COL7A1: variants seen among roughly 807,000 people sequenced by gnomAD.
The protein encoded by COL7A1 is collagen alpha-1(VII) chain.
Under a neutral mutation model 456.2 loss-of-function variants are expected in COL7A1, and 296 were observed. The ratio of observed to expected loss-of-function variants is 0.65; its 90% CI spans 0.59 to 0.71. The LOEUF (loss-of-function observed/expected upper bound fraction) is 0.71, where lower values mean the gene tolerates loss of function less well. Ranked by LOEUF, COL7A1 falls within the 30% of genes least tolerant of loss-of-function variation. The pLI, the probability that COL7A1 is intolerant of heterozygous loss-of-function variation, is 0.00. For synonymous variants in COL7A1, 1,464 were observed against 1,525.9 expected (o/e 0.96, Z 0.95); for missense variants, 3,441 against 4,017.2 (o/e 0.86, Z 3.88).
rs576085516 is a variant in COL7A1 at position 48,591,581 on chromosome 3, G to A, written c.1519C>T (p.Pro507Ser). 6.2e-7 allele frequency: 1 copy of A among 1,613,642 alleles called. No homozygotes were observed. The highest frequency in any genetic ancestry group is 1.3e-5 in the African/African-American group (1 of 75,030). The change falls in exon 13 of 119, where the codon CCT (proline) becomes TCT (serine). Residue 507 changes from proline to serine, a missense_variant. This residue lies in a region of COL7A1 where 913 missense variants were observed against 1,088.2 expected (regional missense o/e 0.84). Coordinates refer to ENST00000681320, the MANE Select transcript of COL7A1 (RefSeq NM_000094.4). This position sits in a 1 kb window ranked among gnomAD's most constrained non-coding sequence, Gnocchi z 7.0. ...ATVVPTGPELPVSPVTDLQAT... is the reference protein window; with the variant it reads ...ATVVPTGPELSVSPVTDLQAT... ...TGCAGGTCTGTTACAGGGCTCACAG[G>A]CAGCTCTGGTCCTGTTGGAGAGCAC...
chr3:48,574,896 T>A lies in COL7A1; in HGVS notation c.6280-31A>T, dbSNP rs376496494. ...AACACAAGGTCACAGGGGAGAGATG[T>A]CTCTGTCATAGAGGCATGGGGGAGT... is the stretch of plus-strand genomic sequence containing the variant. On this transcript the variant is annotated intron_variant, in intron 76 of 118. Transcript: ENST00000681320. This position sits in a 1 kb window ranked among gnomAD's most constrained non-coding sequence, Gnocchi z 5.0. 267 of 1,609,592 alleles carry A rather than the reference T, an allele frequency of 1.7e-4. No homozygotes were observed. The highest frequency in any genetic ancestry group is 2.1e-4 in the Non-Finnish European group (252 of 1,176,520).
Position 48,585,031 on chromosome 3 carries a change from C to A in COL7A1, c.3975+5G>T. 3.1e-6 allele frequency: 5 copies of A among 1,613,428 alleles called. No individual in the cohort carries two copies. The highest frequency in any genetic ancestry group is 4.2e-6 in the Non-Finnish European group (5 of 1,179,972). On this transcript the variant is annotated splice_donor_5th_base_variant and intron_variant, in intron 33 of 118. Transcript: ENST00000681320. The surrounding 1 kb of genome is among the most constrained non-coding windows in gnomAD (Gnocchi z 4.5). ...ACCCTGACCTGCAGGACAAGGCTTG[C>A]TCACCTTTAGGCCAGGGGCTCCAGG...
At position 48,569,247 on chromosome 3, in the gene COL7A1, G is replaced by T; in HGVS notation, c.7686+128C>A. Reference sequence around the variant, plus strand: ...CCTCCTCTCGGCCACTCCATAGTCAGCCACAGAACCCCTTCCCCCTAAACC... The same window carrying T: ...CCTCCTCTCGGCCACTCCATAGTCATCCACAGAACCCCTTCCCCCTAAACC... On this transcript the variant is annotated intron_variant, in intron 103 of 118. Transcript: ENST00000681320. This position sits in a 1 kb window ranked among gnomAD's most constrained non-coding sequence, Gnocchi z 4.9. 1.7e-6 allele frequency: 2 copies of T among 1,162,180 alleles called. No homozygotes were observed. The highest frequency in any genetic ancestry group is 1.3e-6 in the Non-Finnish European group (1 of 778,244). The allele number at this position is 1,162,180 out of a possible 1,614,324, so 72.0% of individuals were successfully genotyped here.
chr3:48,567,686 C>T lies in COL7A1; in HGVS notation c.7983+24G>A. 6.2e-7 allele frequency: 1 copy of T among 1,614,136 alleles called. No individual in the cohort carries two copies. ...GGCCCCCGTCCACCCGTGGCCCCCT[C>T]ATTCTGAGCGTGCCCACACTCACCA... is the stretch of plus-strand genomic sequence containing the variant. On this transcript the variant is annotated intron_variant, in intron 108 of 118. Coordinates refer to ENST00000681320, the MANE Select transcript of COL7A1 (RefSeq NM_000094.4). This position sits in a 1 kb window ranked among gnomAD's most constrained non-coding sequence, Gnocchi z 4.3.
Position 48,576,873 on chromosome 3 carries a change from C to T in COL7A1, c.5604+11G>A. On this transcript the variant is annotated intron_variant, in intron 67 of 118. Coordinates refer to ENST00000681320, the MANE Select transcript of COL7A1 (RefSeq NM_000094.4). ...CAGGGGTCAGAGGTTGCAGAAAACT[C>T]CAATACTCACTTCTCTCCCAGAGGC... The T allele has an allele frequency of 6.2e-7, 1 of 1,614,068 alleles. No individual in the cohort carries two copies. The highest frequency in any genetic ancestry group is 8.5e-7 in the Non-Finnish European group (1 of 1,180,028).
At position 48,566,377 on chromosome 3, in the gene COL7A1, A is replaced by G; in HGVS notation, c.8359-62T>C. The G allele has an allele frequency of 6.2e-7, 1 of 1,603,100 alleles. No homozygotes were observed. ...ATGGCCCACAGGAAGGACATAGGGC[A>G]CATAATACAGGGACTATGGTGAGAC... is the stretch of plus-strand genomic sequence containing the variant. On this transcript the variant is annotated intron_variant, in intron 113 of 118. Transcript: ENST00000681320. This position sits in a 1 kb window ranked among gnomAD's most constrained non-coding sequence, Gnocchi z 5.9.
chr3:48,582,746 G>T, intron 44 of COL7A1, 93 bp from the exon 45 acceptor site: 2 of 1,394,732 alleles, frequency 1.4e-6, no homozygotes, highest in Non-Finnish European at 2.0e-6. Flanking sequence ...CTGGAGAGGG[G>T]TCAGGGAAGA....
Position 48,575,376 on chromosome 3 carries a change from G to A in COL7A1, c.6143C>T (p.Ala2048Val), listed in dbSNP as rs1257092094. The part of the protein sequence containing the change: ...KPGIPGLPGR[A>V]GGVGEAGRPG... ...CCTTCCTGCCTCTCCCACACCCCCA[G>A]CCCTGCCTGGGAGCCCGGGAATACC... The change falls in exon 74 of 119, where the codon GCT becomes GTT. Residue 2048 changes from alanine to valine, a missense_variant. Around this residue, in one of 3 missense-constraint regions of COL7A1, gnomAD observed 2,084 missense variants for 2,501.3 expected, o/e 0.83. Transcript: ENST00000681320. This position sits in a 1 kb window ranked among gnomAD's most constrained non-coding sequence, Gnocchi z 6.3. The A allele has an allele frequency of 7.2e-7, 1 of 1,391,556 alleles. No homozygotes were observed. The highest frequency in any genetic ancestry group is 1.1e-5 in the South Asian group (1 of 88,190). The allele number at this position is 1,391,556 out of a possible 1,614,324, so 86.2% of individuals were successfully genotyped here. A position where few individuals can be genotyped will look rare whatever the true frequency, so the allele number is the denominator to read the frequency against.
chr3:48,573,832 G>C lies in COL7A1; in HGVS notation c.6537+23C>G. 6.2e-7 allele frequency: 1 copy of C among 1,614,054 alleles called. No individual in the cohort carries two copies. Among genetic ancestry groups the C allele is most frequent in the East Asian group, 2.2e-5 (1 of 44,878 alleles). ...CAGGGCACAGGATGGGGGCAAGACAGGTGAAGGTTCTTGGGTACTCACCAC... is the reference window on the plus strand; with the variant it reads ...CAGGGCACAGGATGGGGGCAAGACACGTGAAGGTTCTTGGGTACTCACCAC... On this transcript the variant is annotated intron_variant, in intron 81 of 118. Coordinates refer to ENST00000681320, the MANE Select transcript of COL7A1 (RefSeq NM_000094.4). This position sits in a 1 kb window ranked among gnomAD's most constrained non-coding sequence, Gnocchi z 5.5.
chr3:48,573,511 A>G lies in COL7A1; in HGVS notation c.6618+2T>C. ...TCCTCCTATCCACACACCTAGACTC[A>G]CCTTCAGGCCAGAAGGTCCTTGGGG... On this transcript the variant is annotated splice_donor_variant, in intron 83 of 118. Coordinates refer to ENST00000681320, the MANE Select transcript of COL7A1 (RefSeq NM_000094.4). LOFTEE classifies it high-confidence loss of function. The surrounding 1 kb of genome is among the most constrained non-coding windows in gnomAD (Gnocchi z 5.5). 1 of 1,613,834 alleles carries G rather than the reference A, an allele frequency of 6.2e-7. No homozygotes were observed. Among genetic ancestry groups the G allele is most frequent in the African/African-American group, 1.3e-5 (1 of 74,940 alleles).
At position 48,576,890 on chromosome 3, in the gene COL7A1, C is replaced by T. The variant is rs765176554; in HGVS notation, c.5598G>A (p.Gly1866=). Residue 1866 remains glycine (G), a synonymous_variant, in exon 67 of 119, where the codon GGG becomes GGA. Transcript: ENST00000681320. ...KGEKGDSGAS[G]REGRDGPKGE... is the part of the protein sequence containing the mutation. ...AGAAAACTCCAATACTCACTTCTCT[C>T]CCAGAGGCGCCTGAATCTCCTTTCT... The T allele has an allele frequency of 6.8e-6, 11 of 1,614,062 alleles. No individual in the cohort carries two copies. The highest frequency in any genetic ancestry group is 4.2e-6 in the Non-Finnish European group (5 of 1,180,018).
Position 48,595,160 on chromosome 3 carries a change from C to G in COL7A1, c.-1G>C. ...CGGCCACCAGAAGCCGCAGCGTCATCCTAGGCAGTAAAAGCCGTCAGCTAG... is the reference window on the plus strand; with the variant it reads ...CGGCCACCAGAAGCCGCAGCGTCATGCTAGGCAGTAAAAGCCGTCAGCTAG... On this transcript the variant is annotated splice_region_variant and 5_prime_UTR_variant, in exon 2 of 119. Transcript: ENST00000681320. 1 of 1,551,648 alleles carries G rather than the reference C, an allele frequency of 6.4e-7. No individual in the cohort carries two copies. The highest frequency in any genetic ancestry group is 2.4e-5 in the East Asian group (1 of 41,070).
At position 48,587,265 on chromosome 3, in the gene COL7A1, C is replaced by G. The variant is rs562548943; in HGVS notation, c.3064G>C (p.Val1022Leu). 2 of 1,611,762 alleles carry G rather than the reference C, an allele frequency of 1.2e-6. No individual in the cohort carries two copies. Among genetic ancestry groups the G allele is most frequent in the Non-Finnish European group, 1.7e-6 (2 of 1,178,940 alleles). The change falls in exon 24 of 119, where the codon GTC becomes CTC. Residue 1022 changes from valine (V) to leucine (L), a missense_variant. Transcript: ENST00000681320. The surrounding 1 kb of genome is among the most constrained non-coding windows in gnomAD (Gnocchi z 6.1). The part of the protein sequence containing the change: ...SQRVTGLEPG[V>L]SYIFSLTPVL... ...GGCGTCAGGGAGAAGATGTAAGAGA[C>G]GCCAGGCTCTAGCCCTGTCACCCGC...
In COL7A1 at chr3:48,588,174, C is replaced by T. The variant is rs959650059; in HGVS notation, c.2710+108G>A. On this transcript the variant is annotated intron_variant, in intron 21 of 118. Transcript: ENST00000681320. The surrounding 1 kb of genome is among the most constrained non-coding windows in gnomAD (Gnocchi z 4.6). ...TACCTACTGTCACGGATCCCGCAGACCCCCAGTGACAGACCCCGCCCACCA... is the reference window on the plus strand; with the variant it reads ...TACCTACTGTCACGGATCCCGCAGATCCCCAGTGACAGACCCCGCCCACCA... The T allele has an allele frequency of 2.0e-5, 31 of 1,542,336 alleles. No individual in the cohort carries two copies. Among genetic ancestry groups the T allele is most frequent in the Non-Finnish European group, 2.7e-5 (31 of 1,128,384 alleles).
rs2107805399 is a variant in COL7A1 at position 48,594,232 on chromosome 3, G to T, written c.266+136C>A. The T allele has an allele frequency of 2.0e-6, 2 of 1,010,142 alleles. No homozygotes were observed. The highest frequency in any genetic ancestry group is 1.5e-6 in the Non-Finnish European group (1 of 680,868). 62.6% of individuals were successfully genotyped at this position (1,010,142 alleles called of 1,614,324 possible). On this transcript the variant is annotated intron_variant, in intron 3 of 118. Transcript: ENST00000681320. This position sits in a 1 kb window ranked among gnomAD's most constrained non-coding sequence, Gnocchi z 5.5. The stretch of plus-strand genomic sequence containing the variant: ...TACCTCTGTCTCCAAAGGAGGTCCT[G>T]GCTAGGGGGTCTCTAGGTTCCCCAA...
At position 48,572,953 on chromosome 3, in the gene COL7A1, A is replaced by C; in HGVS notation, c.6751-11T>G. ...CTTCCCTGTCTCCCCCTGAGAGGGA[A>C]GAGCTCTGTCAGGGCTGCCTGTCGA... On this transcript the variant is annotated splice_polypyrimidine_tract_variant and intron_variant, in intron 86 of 118. Coordinates refer to ENST00000681320, the MANE Select transcript of COL7A1 (RefSeq NM_000094.4). The surrounding 1 kb of genome is among the most constrained non-coding windows in gnomAD (Gnocchi z 4.6). The C allele has an allele frequency of 6.2e-7, 1 of 1,613,832 alleles. No homozygotes were observed. The highest frequency in any genetic ancestry group is 8.5e-7 in the Non-Finnish European group (1 of 1,179,902).
rs1168828480 is a variant in COL7A1, at chr3:48,569,648, C to T, written c.7558G>A (p.Gly2520Arg). The T allele has an allele frequency of 6.2e-7, 1 of 1,613,970 alleles. No homozygotes were observed. Among genetic ancestry groups the T allele is most frequent in the Non-Finnish European group, 8.5e-7 (1 of 1,179,948 alleles). Residue 2520 changes from glycine (G) to arginine (R), a missense_variant and splice_region_variant, in exon 102 of 119, where the codon GGA becomes AGA. Transcript: ENST00000681320. The surrounding 1 kb of genome is among the most constrained non-coding windows in gnomAD (Gnocchi z 4.9). ...VGSAGLKGDKGDSAVILGPPG... is the reference protein window; with the variant it reads ...VGSAGLKGDKRDSAVILGPPG... Reference sequence around the variant, plus strand: ...GGCCCCAGGATCACAGCTGAGTCTCCCTGAGGGGGCAGGCAGGAATCAGAG... The same window carrying T: ...GGCCCCAGGATCACAGCTGAGTCTCTCTGAGGGGGCAGGCAGGAATCAGAG...
rs2107787045 is a variant in COL7A1 at position 48,591,507 on chromosome 3, G to T, written c.1593C>A (p.Val531=). Residue 531 remains valine, a synonymous_variant, in exon 13 of 119, where the codon GTC becomes GTA. Coordinates refer to ENST00000681320, the MANE Select transcript of COL7A1 (RefSeq NM_000094.4). This position sits in a 1 kb window ranked among gnomAD's most constrained non-coding sequence, Gnocchi z 7.0. ...TGATGCGGTACTGGGTGGCACCAGG[G>T]ACTGGGCTCCAGGACACTCGCACCC... ...GQRVRVSWSP[V]PGATQYRIIV... 1 of 1,614,032 alleles carries T rather than the reference G, an allele frequency of 6.2e-7. No homozygotes were observed. The highest frequency in any genetic ancestry group is 2.2e-5 in the East Asian group (1 of 44,888).
In COL7A1 at chr3:48,583,149, G is replaced by C. The variant is rs980613158; in HGVS notation, c.4460C>G (p.Pro1487Arg). 2 of 1,613,778 alleles carry C rather than the reference G, an allele frequency of 1.2e-6. No individual in the cohort carries two copies. The highest frequency in any genetic ancestry group is 1.7e-6 in the Non-Finnish European group (2 of 1,180,006). ...TACCTTCTCTCCAGCCTCACCCAGG[G>C]GCCCTGGAAAGCCCCGGTCACCCTG... is the stretch of plus-strand genomic sequence containing the variant. ...GPKGDRGFPG[P>R]LGEAGEKGER... The change falls in exon 43 of 119, where the codon CCC becomes CGC. Residue 1487 changes from proline to arginine, a missense_variant. Pro to Arg is a moderately radical substitution (Grantham distance 103, BLOSUM62 -2). Coordinates refer to ENST00000681320, the MANE Select transcript of COL7A1 (RefSeq NM_000094.4). The surrounding 1 kb of genome is among the most constrained non-coding windows in gnomAD (Gnocchi z 5.1).
Sources: allele counts gnomAD v4.1 joint callset, GRCh38; gene constraint gnomAD v4.1.1; regional missense constraint gnomAD v4.1.1; non-coding constraint Gnocchi (gnomAD v3.1); transcripts MANE v1.5; gene names NCBI Gene and HGNC (gene_info 2026-07-23, HGNC 2026-07-21).